Variants in RNF14 observed in about 807,000 individuals in gnomAD.
The protein encoded by RNF14 is E3 ubiquitin-protein ligase RNF14.
A neutral mutation model predicts 52.6 loss-of-function variants in RNF14; 26 were observed. The observed-to-expected ratio is 0.49, with a 90% CI of 0.36 to 0.69. The LOEUF (loss-of-function observed/expected upper bound fraction) is 0.69. Among genes scored for constraint, RNF14 ranks in the 30% least tolerant of loss-of-function variants. RNF14 has a pLI of 0.00. For missense variants in RNF14, 404 were observed against 560.4 expected (o/e 0.72, Z 2.82); for synonymous variants, 194 against 202.0 (o/e 0.96, Z 0.34).
chr5:141,961,722 G>A (rs1375183748), intron 1 of RNF14, among the ~76,000 whole-genome samples: 1 of 152,150 alleles, frequency 6.6e-6, no homozygotes, highest in African/African-American at 2.4e-5. Context: ...TAACCACAGG[G>A]AGGGCTGAGG....
upstream of RNF14, chr5:141,957,788 C>G (rs768107734): frequency 3.7e-6 from 6 of 1,607,448 alleles, no homozygotes; most frequent in African/African-American, 1.3e-5. This position sits in a 1 kb window ranked among gnomAD's most constrained non-coding sequence, Gnocchi z 4.3. Flanking sequence ...TGACAATCCC[C>G]TAAAAGAAAT....
chr5:141,966,124 T>TA (rs1368051272), upstream of RNF14, among the ~76,000 whole-genome samples: 2 of 151,588 alleles, frequency 1.3e-5, no homozygotes, highest in African/African-American at 4.8e-5. Flanking sequence ...CTACTAAAAA[T>TA]ACAAAAATTA....
the RNF14 span, chr5:141,952,713 C>T: frequency 5.3e-5 from 8 of 152,316 alleles, no homozygotes; most frequent in African/African-American, 1.9e-4. Flanking sequence ...CCTCAGTTTC[C>T]TCATCTCTAA....
At chr5:141,954,161 G>T (rs1362191686), upstream of RNF14, among the ~76,000 whole-genome samples, 1 of 152,208 alleles carries the variant, frequency 6.6e-6, no homozygotes, top group Admixed American at 6.5e-5. Context: ...GTACAAGGTT[G>T]CCCAGCTCCT....
chr5:141,975,310 C>G (rs1000221359), intron 4 of RNF14, among the ~76,000 whole-genome samples: 1 of 152,140 alleles, frequency 6.6e-6, no homozygotes, highest in African/African-American at 2.4e-5. Flanking sequence ...CTCTTAGTTT[C>G]TTATCCATTC....
chr5:141,976,790 T>C (rs1335441688), intron 4 of RNF14, among the ~76,000 whole-genome samples: 25 of 17,016 alleles, frequency 1.5e-3, no homozygotes, highest in Non-Finnish European at 2.1e-3. Context: ...TTTTTTTTTT[T>C]TTTTTTTTTT....
chr5:141,978,130 T>G (rs1380070090), intron 4 of RNF14, among the ~76,000 whole-genome samples, 173 bp from the exon 5 acceptor site: 1 of 116,614 alleles, frequency 8.6e-6, no homozygotes, highest in Non-Finnish European at 1.7e-5. Context: ...TAAGAAGTGC[T>G]CCAGTAAGAA....
upstream of RNF14, among the ~76,000 whole-genome samples, chr5:141,964,571 G>A (rs1201556197): frequency 6.6e-6 from 1 of 152,112 alleles, no homozygotes; most frequent in Non-Finnish European, 1.5e-5. Flanking sequence ...TGCTTCTAGT[G>A]TAGGCACTTC....
chr5:141,956,216 C>A (rs1020478271), upstream of RNF14: 14 of 1,614,116 alleles, frequency 8.7e-6, no homozygotes, highest in African/African-American at 1.3e-5. Context: ...ACACTGGATG[C>A]AAGCATGGGT....
intron 1 of RNF14, among the ~76,000 whole-genome samples, chr5:141,970,262 T>G (rs1753627344): frequency 6.6e-6 from 1 of 152,198 alleles, no homozygotes; most frequent in Non-Finnish European, 1.5e-5. Context: ...GTTTAAGTAT[T>G]TTTCTGTTAC....
intron 2 of RNF14, 114 bp from the exon 3 acceptor site, chr5:141,973,469 C>T (rs1230803708): frequency 1.4e-6 from 1 of 725,062 alleles, no homozygotes; most frequent in African/African-American, 1.8e-5. Flanking sequence ...AACTCCTGAC[C>T]TCAGGTGATC....
At chr5:141,973,558 T>C in intron 2 of RNF14, 25 bp from the exon 3 acceptor site, 1 of 1,596,484 alleles carries the variant, frequency 6.3e-7, no homozygotes, top group Non-Finnish European at 8.5e-7. Context: ...CATTTTCTGT[T>C]CTTAACTGAT....
chr5:141,973,781 C>A, intron 3 of RNF14, 39 bp downstream of exon 3: 3 of 1,517,194 alleles, frequency 2.0e-6, no homozygotes, highest in Non-Finnish European at 2.7e-6. Context: ...TTCTATTATT[C>A]TTTATTTCTT....
the RNF14 span, among the ~76,000 whole-genome samples, chr5:141,949,941 C>T: frequency 6.6e-6 from 1 of 152,190 alleles, no homozygotes; most frequent in Non-Finnish European, 1.5e-5. Flanking sequence ...TAGGTATTGC[C>T]TGGCACACAG....
upstream of RNF14, among the ~76,000 whole-genome samples, chr5:141,963,539 G>C (rs1267494680): frequency 1.3e-5 from 2 of 152,130 alleles, no homozygotes; most frequent in Non-Finnish European, 2.9e-5. Context: ...CAGCATTTCT[G>C]GGTGACTCCA....
intron 4 of RNF14, among the ~76,000 whole-genome samples, chr5:141,976,739 C>T (rs1437423528): frequency 6.6e-6 from 1 of 150,808 alleles, no homozygotes; most frequent in Non-Finnish European, 1.5e-5. Flanking sequence ...TTCCCGTCCC[C>T]CTTCCATTTA....
chr5:141,955,387 A>G (rs1217903621), upstream of RNF14: 5 of 1,613,860 alleles, frequency 3.1e-6, no homozygotes, highest in Admixed American at 3.3e-5. This position sits in a 1 kb window ranked among gnomAD's most constrained non-coding sequence, Gnocchi z 5.5. Flanking sequence ...CGTCCTGTAC[A>G]GGGTCGGGGT....
At chr5:141,977,075 G>A (rs982600256) in intron 4 of RNF14, among the ~76,000 whole-genome samples, 2 of 152,240 alleles carry the variant, frequency 1.3e-5, no homozygotes, top group Admixed American at 1.3e-4. Flanking sequence ...ACAGGCATGA[G>A]CCACCACGCC....
At chr5:141,977,011 C>T (rs1561549927) in intron 4 of RNF14, among the ~76,000 whole-genome samples, 1 of 152,086 alleles carries the variant, frequency 6.6e-6, no homozygotes, top group Non-Finnish European at 1.5e-5. Flanking sequence ...GGCTGATCAC[C>T]AACCCCTGAC....
Sources: gnomAD v4.1 joint callset for allele counts (sites outside exome capture counted in the v4.1 genomes callset) on GRCh38, gnomAD v4.1.1 for gene constraint, Gnocchi (gnomAD v3.1) non-coding constraint, MANE v1.5 for transcripts, NCBI Gene and HGNC (gene_info 2026-07-23, HGNC 2026-07-21) for gene names.